Variants in BLM observed in about 807,000 individuals in gnomAD.
BLM encodes recQ-like DNA helicase BLM.
In BLM, 95 loss-of-function variants were observed where a neutral mutation model predicts 135.3. That is an observed-to-expected ratio of 0.70 (90% CI 0.59 to 0.83). The LOEUF (loss-of-function observed/expected upper bound fraction) is 0.83, where lower values mean the gene tolerates loss of function less well. Ranked by LOEUF, BLM falls within the 40% of genes least tolerant of loss-of-function variation. The pLI is 0.00. For synonymous variants in BLM, 520 were observed against 589.2 expected (o/e 0.88, Z 1.70); for missense variants, 1,518 against 1,663.9 (o/e 0.91, Z 1.53).
intron 12 of BLM, among the ~76,000 whole-genome samples, chr15:90,775,940 A>T (rs1896466098): frequency 6.6e-6 from 1 of 152,054 alleles, no homozygotes; most frequent in Admixed American, 6.6e-5. Flanking sequence ...TGATCCTCCC[A>T]CCTTAATCTT....
Position 90,749,944 on chromosome 15 carries a change from G to A in BLM, c.676G>A (p.Asp226Asn). ...AATAGATTTGACTGAGGAACAGAAGGATGACTCAGAATGGTTAAGCAGCGA... is the reference window on the plus strand; with the variant it reads ...AATAGATTTGACTGAGGAACAGAAGAATGACTCAGAATGGTTAAGCAGCGA... ...EQIDLTEEQK[D>N]DSEWLSSDVI... Residue 226 changes from aspartate to asparagine, a missense_variant, in exon 3 of 22, where the codon GAT becomes AAT. Around this residue, in one of 5 missense-constraint regions of BLM, gnomAD observed 724 missense variants for 756.9 expected, o/e 0.96. Coordinates refer to ENST00000355112, the MANE Select transcript of BLM (RefSeq NM_000057.4). The A allele has an allele frequency of 6.2e-7, 1 of 1,614,142 alleles. No individual in the cohort carries two copies. The highest frequency in any genetic ancestry group is 1.1e-5 in the South Asian group (1 of 91,084).
rs28385065 is a variant in BLM, at chr15:90,784,819, G to T, written c.2663-102G>T. On this transcript the variant is annotated intron_variant, in intron 13 of 21. Transcript: ENST00000355112. ...TTCCAGCAGTATAAGAACACTACGGGAGATCTATTTATGGTTCATATATTT... is the reference window on the plus strand; with the variant it reads ...TTCCAGCAGTATAAGAACACTACGGTAGATCTATTTATGGTTCATATATTT... 1.6e-3 allele frequency: 1,969 copies of T among 1,233,386 alleles called. 31 individuals carry two copies. The African/African-American group carries it at 0.025, about 16-fold the overall frequency. 76.4% of individuals were successfully genotyped at this position (1,233,386 alleles called of 1,614,324 possible). A position where few individuals can be genotyped will look rare whatever the true frequency, so the allele number is the denominator to read the frequency against.
rs554564999 is a variant in BLM, at chr15:90,790,721, C to G, written c.2896C>G (p.Leu966Val). 6.2e-7 allele frequency: 1 copy of G among 1,614,160 alleles called. No homozygotes were observed. The highest frequency in any genetic ancestry group is 1.1e-5 in the South Asian group (1 of 91,080). ...PDVRFVIHAS[L>V]PKSVEGYYQE... ...CGTGCGATTTGTGATTCATGCATCT[C>G]TCCCTAAATCTGTGGAGGGTTACTA... The change falls in exon 15 of 22, where the codon CTC becomes GTC. Residue 966 changes from leucine (L) to valine (V), a missense_variant. Physicochemically the swap from Leu to Val is conservative, Grantham distance 32. This residue lies in a region of BLM where 626 missense variants were observed against 681.1 expected (regional missense o/e 0.92). Coordinates refer to ENST00000355112, the MANE Select transcript of BLM (RefSeq NM_000057.4).
chr15:90,743,713 C>T (rs1895429147), intron 1 of BLM, among the ~76,000 whole-genome samples: 1 of 152,032 alleles, frequency 6.6e-6, no homozygotes, highest in Non-Finnish European at 1.5e-5. Context: ...CTTTTTGTGT[C>T]CAACAATTGT....
At position 90,806,049 on chromosome 15, in the gene BLM, T is replaced by C. The variant is rs568229421; in HGVS notation, c.3751+1690T>C. Among the ~76,000 whole-genome samples, 3 of 152,282 alleles carry C rather than the reference T, an allele frequency of 2.0e-5. No homozygotes were observed. In the East Asian group the frequency reaches 5.8e-4, roughly 29 times the overall value. The stretch of plus-strand genomic sequence containing the variant: ...TATTTTTCATATAGGCACAGAGCTG[T>C]GGATAATAAAAATCAATGTCCAAAT... On this transcript the variant is annotated intron_variant, in intron 19 of 21. Transcript: ENST00000355112.
chr15:90,794,116 C>T (rs2151187068), intron 15 of BLM, 51 bp from the exon 16 acceptor site: 1 of 1,321,894 alleles, frequency 7.6e-7, no homozygotes, highest in Non-Finnish European at 1.1e-6. Flanking sequence ...CTATGATATG[C>T]TCTATTTTTC....
intron 5 of BLM, among the ~76,000 whole-genome samples, chr15:90,758,969 C>G (rs969111866): frequency 6.6e-5 from 10 of 152,164 alleles, no homozygotes; most frequent in South Asian, 2.1e-4. Context: ...GGGCTCTTGC[C>G]TGTCCAACGC....
At chr15:90,770,095 C>G (rs1412083946) in intron 12 of BLM, among the ~76,000 whole-genome samples, 2 of 151,796 alleles carry the variant, frequency 1.3e-5, no homozygotes, top group African/African-American at 2.4e-5. Context: ...TTGTTTTCTT[C>G]TCAACAACAA....
At chr15:90,786,161 T>G (rs75603754) in intron 14 of BLM, among the ~76,000 whole-genome samples, 1 of 152,034 alleles carries the variant, frequency 6.6e-6, no homozygotes, top group East Asian at 1.9e-4. Context: ...CTAATTTTTT[T>G]ATTTTTTGTA....
Position 90,785,003 on chromosome 15 carries a change from TCTTG to T in BLM, c.2749_2752del (p.Ala917ThrfsTer44). On this transcript the variant is annotated frameshift_variant, in exon 14 of 22. Coordinates refer to ENST00000355112, the MANE Select transcript of BLM (RefSeq NM_000057.4). LOFTEE classifies it high-confidence loss of function. ...CGTTACAGAGAGATGGGCTCGCTGC[TCTTG>T]CTTACCATGCTGGCCTCAGTGATTC... The T allele has an allele frequency of 6.2e-7, 1 of 1,614,190 alleles. No homozygotes were observed. Among genetic ancestry groups the T allele is most frequent in the Non-Finnish European group, 8.5e-7 (1 of 1,180,034 alleles).
rs76738493 is a variant in BLM at position 90,771,733 on chromosome 15, G to A, written c.2555+2147G>A. 2.6e-3 allele frequency among the ~76,000 whole-genome samples: 391 copies of A among 151,408 alleles called. 1 individual carries two copies. The highest frequency in any genetic ancestry group is 8.7e-3 in the African/African-American group (361 of 41,272). Reference sequence around the variant, plus strand: ...TGAGATTCTTCTGTCCTCTTACGCCGGATGCAATCTACTGTTCTTTTAGAT... The same window carrying A: ...TGAGATTCTTCTGTCCTCTTACGCCAGATGCAATCTACTGTTCTTTTAGAT... On this transcript the variant is annotated intron_variant, in intron 12 of 21. Transcript: ENST00000355112.
chr15:90,803,829 T>C, intron 18 of BLM, 109 bp downstream of exon 18: 14 of 1,086,328 alleles, frequency 1.3e-5, no homozygotes, highest in Non-Finnish European at 1.8e-5. Context: ...AATTTATATA[T>C]ACTGTTCTAT....
chr15:90,733,558 G>A (rs1053874898), intron 1 of BLM, among the ~76,000 whole-genome samples: 4 of 152,196 alleles, frequency 2.6e-5, no homozygotes, highest in Admixed American at 1.3e-4. Context: ...TGTAAATGCT[G>A]ATTTAGTTGT....
rs1596277137 is a variant in BLM at position 90,816,071 on chromosome 15, A to G, written c.*792A>G. The stretch of plus-strand genomic sequence containing the variant: ...ACTCCAGCCTGGGTGACAGAGCAAG[A>G]CTCCGTCTCAAAAAAAAAAAAAAAA... On this transcript the variant is annotated 3_prime_UTR_variant, in exon 22 of 22. Coordinates refer to ENST00000355112, the MANE Select transcript of BLM (RefSeq NM_000057.4). 1 of 127,128 alleles carries G rather than the reference A, an allele frequency of 7.9e-6. No homozygotes were observed. The highest frequency in any genetic ancestry group is 1.6e-5 in the Non-Finnish European group (1 of 61,132). 7.9% of individuals were successfully genotyped at this position (127,128 alleles called of 1,614,324 possible). A position where few individuals can be genotyped will look rare whatever the true frequency, so the allele number is the denominator to read the frequency against.
intron 1 of BLM, among the ~76,000 whole-genome samples, chr15:90,725,033 T>C (rs1894872945): frequency 6.6e-6 from 1 of 152,134 alleles, no homozygotes; most frequent in Admixed American, 6.6e-5. Flanking sequence ...CTCAGCCTAC[T>C]GAATAGCTGG....
chr15:90,747,337 G>T, intron 1 of BLM, 52 bp from the exon 2 acceptor site: 1 of 1,360,544 alleles, frequency 7.3e-7, no homozygotes, highest in Non-Finnish European at 1.0e-6. Context: ...AAAACATTGT[G>T]ATTAATGCAA....
chr15:90,790,031 G>A (rs1896865166), intron 14 of BLM, among the ~76,000 whole-genome samples: 1 of 99,888 alleles, frequency 1.0e-5, no homozygotes, highest in African/African-American at 4.1e-5. Context: ...TTTGGTATAA[G>A]TAGCTCTCAG....
At chr15:90,754,701 CTG>C in intron 4 of BLM, 108 bp from the exon 5 acceptor site, 1 of 1,202,444 alleles carries the variant, frequency 8.3e-7, no homozygotes, top group Non-Finnish European at 1.2e-6. Context: ...CTTCTCTTTT[CTG>C]TTATATATTG....
chr15:90,740,688 T>C (rs1265452441), intron 1 of BLM, among the ~76,000 whole-genome samples: 1 of 152,204 alleles, frequency 6.6e-6, no homozygotes, highest in Non-Finnish European at 1.5e-5. Context: ...ATAATCCCCA[T>C]GTGTCATGGG....
Sources: gnomAD v4.1 joint callset for allele counts (sites outside exome capture counted in the v4.1 genomes callset) on GRCh38, gnomAD v4.1.1 for gene constraint, gnomAD v4.1.1 regional missense constraint, MANE v1.5 for transcripts, NCBI Gene and HGNC (gene_info 2026-07-23, HGNC 2026-07-21) for gene names.